The following SLC4A4 variants were observed in gnomAD, a reference collection of about 807,000 sequenced individuals.
The protein encoded by SLC4A4 is electrogenic sodium bicarbonate cotransporter 1.
SLC4A4 carries 27 observed loss-of-function variants against 111.5 expected under a neutral mutation model. The observed-to-expected ratio is 0.24, with a 90% CI of 0.18 to 0.33. The LOEUF (loss-of-function observed/expected upper bound fraction) is 0.33. SLC4A4 is among the 10% of genes least tolerant of loss of function. The probability of loss-of-function intolerance (pLI) is 1.00; values close to 1 mark genes in which losing one functional copy is unlikely to be tolerated. For synonymous variants in SLC4A4, 443 were observed against 463.4 expected (o/e 0.96, Z 0.57); for missense variants, 909 against 1,315.5 (o/e 0.69, Z 4.78).
chr4:71,350,363 TTTTTA>T (rs998922602), intron 5 of SLC4A4, among the ~76,000 whole-genome samples: 1 of 152,004 alleles, frequency 6.6e-6, no homozygotes, highest in African/African-American at 2.4e-5. Context: ...TTTTTGATTT[TTTTTA>T]TTTTATTTTA....
intron 1 of SLC4A4, among the ~76,000 whole-genome samples, chr4:71,077,164 CTT>C (rs746128471): frequency 4.2e-5 from 6 of 142,036 alleles, no homozygotes; most frequent in Non-Finnish European, 4.6e-5. Flanking sequence ...AGAGTATGTA[CTT>C]TTTTTTTTTT....
chr4:71,525,905 T>A (rs1363902048), intron 16 of SLC4A4, among the ~76,000 whole-genome samples: 1 of 152,040 alleles, frequency 6.6e-6, no homozygotes, highest in South Asian at 2.1e-4. Context: ...GAAAATCACA[T>A]ACTCTTCTTT....
chr4:71,234,566 C>T (rs981723654), intron 1 of SLC4A4, among the ~76,000 whole-genome samples: 3 of 152,174 alleles, frequency 2.0e-5, no homozygotes, highest in Admixed American at 6.5e-5. Flanking sequence ...GCTGGGATTA[C>T]AGGCGTGTGC....
upstream of SLC4A4, among the ~76,000 whole-genome samples, chr4:71,185,588 T>C (rs1276979916): frequency 6.6e-6 from 1 of 152,214 alleles, no homozygotes; most frequent in Non-Finnish European, 1.5e-5. Flanking sequence ...AGACATCAGA[T>C]TGGCGTGTTT....
intron 1 of SLC4A4, among the ~76,000 whole-genome samples, chr4:71,211,771 G>GTTT (rs66777834): frequency 7.1e-6 from 1 of 140,182 alleles, no homozygotes; most frequent in African/African-American, 2.6e-5. Context: ...GAATTTATCT[G>GTTT]TTTTTTTTTT....
chr4:71,499,320 A>G (rs1730693201), intron 16 of SLC4A4, among the ~76,000 whole-genome samples: 1 of 152,158 alleles, frequency 6.6e-6, no homozygotes, highest in Admixed American at 6.6e-5. Flanking sequence ...TTAAAATCTT[A>G]ATTGACCAAT....
chr4:71,262,742 T>TAACA (rs1410389742), intron 3 of SLC4A4, among the ~76,000 whole-genome samples: 1 of 151,950 alleles, frequency 6.6e-6, no homozygotes, highest in Non-Finnish European at 1.5e-5. Flanking sequence ...CTTAATTAAA[T>TAACA]AACAAACAAA....
At chr4:71,144,840 A>T (rs1198135702) in intron 2 of SLC4A4, among the ~76,000 whole-genome samples, 2 of 152,126 alleles carry the variant, frequency 1.3e-5, no homozygotes, top group Non-Finnish European at 2.9e-5. Context: ...GCTTAAGGGG[A>T]TTTTGGACTG....
intron 6 of SLC4A4, among the ~76,000 whole-genome samples, chr4:71,376,620 A>G (rs1214361766): frequency 3.4e-5 from 5 of 148,596 alleles, no homozygotes; most frequent in Non-Finnish European, 7.4e-5. Flanking sequence ...ATATATATAC[A>G]TATATTTAAA....
intron 1 of SLC4A4, among the ~76,000 whole-genome samples, chr4:71,078,448 G>C (rs1244041391): frequency 1.3e-5 from 2 of 152,128 alleles, no homozygotes; most frequent in African/African-American, 4.8e-5. Context: ...TCTGAGAAGA[G>C]AATTATCAAT....
intron 7 of SLC4A4, among the ~76,000 whole-genome samples, chr4:71,409,662 C>A (rs1283456637): frequency 6.6e-6 from 1 of 152,110 alleles, no homozygotes; most frequent in Non-Finnish European, 1.5e-5. Flanking sequence ...AAGAAAAACC[C>A]ATGTTTTGAG....
chr4:71,403,628 G>A (rs898605530), intron 7 of SLC4A4, among the ~76,000 whole-genome samples: 4 of 152,040 alleles, frequency 2.6e-5, no homozygotes, highest in African/African-American at 9.7e-5. Context: ...AAGATGATGT[G>A]TTCAAGAAAC....
intron 6 of SLC4A4, among the ~76,000 whole-genome samples, chr4:71,361,116 A>T (rs945641989): frequency 1.3e-5 from 2 of 152,158 alleles, no homozygotes; most frequent in Admixed American, 1.3e-4. Flanking sequence ...GGCCGGTCAG[A>T]GTTTCTCCAG....
chr4:71,539,034 A>G (rs1036248459), intron 18 of SLC4A4, among the ~76,000 whole-genome samples: 3 of 152,038 alleles, frequency 2.0e-5, no homozygotes, highest in African/African-American at 7.2e-5. Flanking sequence ...TTTAGGATAG[A>G]TATCTAGAAA....
chr4:71,389,001 A>G (rs1038441823), intron 6 of SLC4A4, among the ~76,000 whole-genome samples: 3 of 152,234 alleles, frequency 2.0e-5, no homozygotes, highest in Non-Finnish European at 2.9e-5. Context: ...ATTGAGATGT[A>G]TTAGACCTAA....
At chr4:71,554,927 A>T (rs1736343517) in intron 20 of SLC4A4, among the ~76,000 whole-genome samples, 1 of 151,828 alleles carries the variant, frequency 6.6e-6, no homozygotes, top group East Asian at 1.9e-4. Flanking sequence ...CATCCAATGA[A>T]AATTGAAAGT....
At chr4:71,325,785 A>G (rs1367708536) in intron 3 of SLC4A4, among the ~76,000 whole-genome samples, 3 of 151,978 alleles carry the variant, frequency 2.0e-5, no homozygotes, top group Non-Finnish European at 4.4e-5. Flanking sequence ...TGGTTATACA[A>G]GTATAAAGAT....
Position 71,078,717 on chromosome 4 carries a change from C to G in SLC4A4, c.-64-14013C>G, listed in dbSNP as rs180905588. ...CCCCATCTGAGTGCTAGGAAGGGCT[C>G]GGTCGTAAAACGATAAGGAGATATT... On this transcript the variant is annotated intron_variant, in intron 1 of 26. Coordinates refer to the SLC4A4 transcript ENST00000649996. Among the ~76,000 whole-genome samples the G allele has an allele frequency of 5.0e-4, 76 of 152,146 alleles. 1 individual carries two copies. Among genetic ancestry groups the G allele is most frequent in the African/African-American group, 1.6e-3 (68 of 41,522 alleles).
chr4:71,513,664 T>A (rs1015793539), intron 16 of SLC4A4, among the ~76,000 whole-genome samples: 6 of 152,246 alleles, frequency 3.9e-5, no homozygotes, highest in African/African-American at 1.4e-4. Context: ...CCAGACTGTG[T>A]TGAATAGGAG....
Sources: allele counts gnomAD v4.1 joint callset (sites outside exome capture counted in the v4.1 genomes callset), GRCh38; gene constraint gnomAD v4.1.1; transcripts MANE v1.5; gene names NCBI Gene and HGNC (gene_info 2026-07-23, HGNC 2026-07-21).